Variants in PACS1 observed in about 807,000 individuals in gnomAD.
PACS1 encodes PACS-1.
In PACS1, 24 loss-of-function variants were observed where a neutral mutation model predicts 115.0. The observed-to-expected ratio is 0.21, with a 90% CI of 0.15 to 0.29. The LOEUF is 0.29. Ranked by LOEUF, PACS1 falls within the 10% of genes least tolerant of loss-of-function variation. The probability of loss-of-function intolerance (pLI) is 1.00; values close to 1 mark genes in which losing one functional copy is unlikely to be tolerated. For missense variants in PACS1, 838 were observed against 1,251.2 expected (o/e 0.67, Z 4.98); for synonymous variants, 453 against 504.5 (o/e 0.90, Z 1.37).
chr11:66,204,779 T>C (rs1303399982), intron 2 of PACS1, among the ~76,000 whole-genome samples: 1 of 152,126 alleles, frequency 6.6e-6, no homozygotes. Flanking sequence ...TAATGATGGT[T>C]ACCACAGGCT....
chr11:66,234,286 AC>A (rs1315390411), intron 17 of PACS1, 44 bp downstream of exon 17: 3 of 1,345,562 alleles, frequency 2.2e-6, no homozygotes, highest in Middle Eastern at 1.8e-4. Context: ...CCCGGGGTCC[AC>A]AGGTGCCAGC....
chr11:66,169,540 C>T (rs539921421), intron 1 of PACS1, among the ~76,000 whole-genome samples: 3 of 147,242 alleles, frequency 2.0e-5, no homozygotes, highest in South Asian at 4.2e-4. Flanking sequence ...GCTGGGATTA[C>T]AGGTGTGTGC....
At chr11:66,172,147 C>G (rs1047328663) in intron 1 of PACS1, among the ~76,000 whole-genome samples, 1 of 152,176 alleles carries the variant, frequency 6.6e-6, no homozygotes, top group Non-Finnish European at 1.5e-5. Context: ...TATATTTTTA[C>G]AGTTTTCTTT....
At chr11:66,080,540 C>T (rs573506082) in intron 1 of PACS1, among the ~76,000 whole-genome samples, 1 of 152,224 alleles carries the variant, frequency 6.6e-6, no homozygotes, top group East Asian at 1.9e-4. Context: ...CTGCCAGAGC[C>T]AGGTGCTACG....
intron 1 of PACS1, among the ~76,000 whole-genome samples, chr11:66,186,355 C>T (rs1207538738): frequency 6.6e-6 from 1 of 152,018 alleles, no homozygotes; most frequent in Non-Finnish European, 1.5e-5. Context: ...GCTCCCTGGC[C>T]TTGCTGTTTC....
chr11:66,160,931 G>A (rs1318337306), intron 1 of PACS1, among the ~76,000 whole-genome samples: 1 of 152,100 alleles, frequency 6.6e-6, no homozygotes, highest in East Asian at 1.9e-4. Flanking sequence ...TAAGAACATG[G>A]ACTCTGAAGC....
At chr11:66,114,234 C>T (rs529417647) in intron 1 of PACS1, among the ~76,000 whole-genome samples, 6 of 151,816 alleles carry the variant, frequency 4.0e-5, no homozygotes, top group South Asian at 2.1e-4. Context: ...CTGGCTAACA[C>T]GGTGAAACCC....
At chr11:66,222,684 G>C (rs530992002) in intron 10 of PACS1, among the ~76,000 whole-genome samples, 3 of 152,156 alleles carry the variant, frequency 2.0e-5, no homozygotes, top group Non-Finnish European at 4.4e-5. Flanking sequence ...GTTCACCAGG[G>C]GGAATACCAA....
chr11:66,241,386 G>T, intron 21 of PACS1, 41 bp from the exon 22 acceptor site: 1 of 1,495,456 alleles, frequency 6.7e-7, no homozygotes, highest in South Asian at 1.2e-5. Context: ...GTTGGGAGCT[G>T]AAGGCAGAGC....
chr11:66,208,497 G>T (rs1472806987), intron 2 of PACS1, among the ~76,000 whole-genome samples: 1 of 151,996 alleles, frequency 6.6e-6, no homozygotes, highest in East Asian at 1.9e-4. Flanking sequence ...TCAATGAACA[G>T]CTCCTTGTTT....
chr11:66,224,854 T>G (rs1419380823), intron 10 of PACS1, among the ~76,000 whole-genome samples: 1 of 152,244 alleles, frequency 6.6e-6, no homozygotes, highest in Non-Finnish European at 1.5e-5. Flanking sequence ...GTGTCCTCTC[T>G]TCCCTGGTTT....
intron 1 of PACS1, among the ~76,000 whole-genome samples, chr11:66,130,770 G>A (rs1433240958): frequency 1.3e-5 from 2 of 152,048 alleles, no homozygotes; most frequent in African/African-American, 4.8e-5. Flanking sequence ...TGTTCTCCCT[G>A]TACCACAAAC....
chr11:66,116,449 G>A (rs541404891), intron 1 of PACS1, among the ~76,000 whole-genome samples: 4 of 152,320 alleles, frequency 2.6e-5, no homozygotes, highest in Admixed American at 6.5e-5. Context: ...AACTGCCTTT[G>A]ATTAATGCTA....
intron 1 of PACS1, among the ~76,000 whole-genome samples, chr11:66,086,769 C>T (rs1051002110): frequency 2.6e-5 from 4 of 152,036 alleles, no homozygotes; most frequent in Non-Finnish European, 5.9e-5. Flanking sequence ...GCACACACCA[C>T]CATGCCTGGC....
At chr11:66,216,457 A>G (rs1855211385) in intron 5 of PACS1, 63 bp from the exon 6 acceptor site, 4 of 1,502,980 alleles carry the variant, frequency 2.7e-6, no homozygotes, top group Non-Finnish European at 3.7e-6. Flanking sequence ...ATTCCAGCCC[A>G]TCGAAGTTTC....
chr11:66,239,347 G>C (rs1590843213), intron 21 of PACS1, 70 bp downstream of exon 21: 2 of 1,545,924 alleles, frequency 1.3e-6, no homozygotes, highest in East Asian at 4.5e-5. Context: ...CCAGTGACAG[G>C]CGCATGGGCT....
chr11:66,220,397 G>A (rs1347859650), intron 8 of PACS1: 2 of 527,870 alleles, frequency 3.8e-6, no homozygotes, highest in Admixed American at 3.3e-5. Flanking sequence ...TGTCCCTCCT[G>A]GCACAGCTTC....
intron 2 of PACS1, among the ~76,000 whole-genome samples, chr11:66,203,731 G>T (rs1854870327): frequency 6.6e-6 from 1 of 152,044 alleles, no homozygotes; most frequent in Non-Finnish European, 1.5e-5. Context: ...TTCAACAAAG[G>T]TGCCAAGAAC....
intron 1 of PACS1, among the ~76,000 whole-genome samples, chr11:66,172,438 G>T (rs1313237995): frequency 6.6e-6 from 1 of 152,200 alleles, no homozygotes; most frequent in African/African-American, 2.4e-5. Context: ...TGGGATGCCG[G>T]CTGCCATGTC....
Sources: allele counts gnomAD v4.1 joint callset (sites outside exome capture counted in the v4.1 genomes callset), GRCh38; gene constraint gnomAD v4.1.1; transcripts MANE v1.5; gene names NCBI Gene and HGNC (gene_info 2026-07-23, HGNC 2026-07-21).